DYNC1H1: variants seen among roughly 807,000 people sequenced by gnomAD.
DYNC1H1 encodes dynein cytoplasmic 1 heavy chain 1, also known as cytoplasmic dynein 1 heavy chain 1.
In DYNC1H1, 51 loss-of-function variants were observed where a neutral mutation model predicts 527.1. That is an observed-to-expected ratio of 0.10 (90% CI 0.08 to 0.12). The LOEUF (loss-of-function observed/expected upper bound fraction) is 0.12. DYNC1H1 is among the 10% of genes least tolerant of loss of function. The pLI is 1.00. For synonymous variants in DYNC1H1, 2,189 were observed against 2,278.8 expected (o/e 0.96, Z 1.12); for missense variants, 2,771 against 5,971.8 (o/e 0.46, Z 17.66).
At chr14:101,975,876 C>A in intron 2 of DYNC1H1, 77 bp downstream of exon 2, 2 of 1,153,938 alleles carry the variant, frequency 1.7e-6, no homozygotes, top group Non-Finnish European at 2.5e-6. Context: ...TCTTTTCAAA[C>A]TCAGAAATTC....
chr14:102,047,835 A>G lies in DYNC1H1; in HGVS notation c.13025A>G (p.Lys4342Arg), dbSNP rs771912291. Residue 4342 changes from lysine to arginine, a missense_variant, in exon 73 of 78, where the codon AAA becomes AGA. By Grantham distance (26) the Lys-to-Arg change is conservative (BLOSUM62 2). Around this residue, in one of 32 missense-constraint regions of DYNC1H1, gnomAD observed 170 missense variants for 249.8 expected, o/e 0.68. Coordinates refer to ENST00000360184, the MANE Select transcript of DYNC1H1 (RefSeq NM_001376.5). ...LTTQGVDMISKMLKMQMLEDE... is the reference protein window; with the variant it reads ...LTTQGVDMISRMLKMQMLEDE... ...GGCCCAGGTGTGGACATGATCAGTAAAATGCTGAAGATGCAGATGTTGGAG... is the reference window on the plus strand; with the variant it reads ...GGCCCAGGTGTGGACATGATCAGTAGAATGCTGAAGATGCAGATGTTGGAG... 1.2e-6 allele frequency: 2 copies of G among 1,613,410 alleles called. No individual in the cohort carries two copies. Among genetic ancestry groups the G allele is most frequent in the South Asian group, 2.2e-5 (2 of 91,054 alleles).
chr14:102,009,601 C>T (rs1442557109), intron 29 of DYNC1H1: 1 of 525,554 alleles, frequency 1.9e-6, no homozygotes, highest in African/African-American at 1.9e-5. Context: ...ATAGTGGTCT[C>T]TGCCTCTGGT....
chr14:102,052,897 G>A lies in DYNC1H1; in HGVS notation c.*2334G>A, dbSNP rs2048830282. 1 of 152,204 alleles carries A rather than the reference G, an allele frequency of 6.6e-6. No individual in the cohort carries two copies. Among genetic ancestry groups the A allele is most frequent in the Non-Finnish European group, 1.5e-5 (1 of 68,036 alleles). The allele number at this position is 152,204 out of a possible 1,614,324, so 9.4% of individuals were successfully genotyped here. ...TTCCTCTGGACTCTGACTTCAGTGT[G>A]TAGGAAGCCACCTTACAGCTCATGT... On this transcript the variant is annotated 3_prime_UTR_variant, in exon 78 of 78. Coordinates refer to ENST00000360184, the MANE Select transcript of DYNC1H1 (RefSeq NM_001376.5).
In DYNC1H1 at chr14:102,010,589, T is replaced by C; in HGVS notation, c.6405+130T>C. 1.3e-6 allele frequency: 2 copies of C among 1,502,804 alleles called. No homozygotes were observed. The highest frequency in any genetic ancestry group is 9.1e-7 in the Non-Finnish European group (1 of 1,100,762). The allele number at this position is 1,502,804 out of a possible 1,614,324, so 93.1% of individuals were successfully genotyped here. A position where few individuals can be genotyped will look rare whatever the true frequency, so the allele number is the denominator to read the frequency against. On this transcript the variant is annotated intron_variant, in intron 31 of 77. Transcript: ENST00000360184. This position sits in a 1 kb window ranked among gnomAD's most constrained non-coding sequence, Gnocchi z 6.0. ...TTGGGATGGCTGAAATAGACTGTAA[T>C]GTTGACCCAGTGAGTCGAGTGCACG...
chr14:101,989,328 C>CT (rs759181183), intron 10 of DYNC1H1, among the ~76,000 whole-genome samples: 16 of 152,240 alleles, frequency 1.1e-4, no homozygotes, highest in Non-Finnish European at 1.9e-4. Context: ...ACGTACTCCA[C>CT]TGTTTTAACA....
chr14:102,049,551 C>G lies in DYNC1H1; in HGVS notation c.13484C>G (p.Ala4495Gly). Reference sequence around the variant, plus strand: ...AAACAGCTGCAGAACATCTCACTGGCAGCTGCATCTGGTGGCGCCAAGGAG... The same window carrying G: ...AAACAGCTGCAGAACATCTCACTGGGAGCTGCATCTGGTGGCGCCAAGGAG... ...RIKQLQNISL[A>G]AASGGAKELK... The change falls in exon 75 of 78, where the codon GCA becomes GGA. Residue 4495 changes from alanine to glycine, a missense_variant. Physicochemically the swap from Ala to Gly is moderately conservative, Grantham distance 60. Transcript: ENST00000360184. The surrounding 1 kb of genome is among the most constrained non-coding windows in gnomAD (Gnocchi z 5.5). 1 of 1,614,112 alleles carries G rather than the reference C, an allele frequency of 6.2e-7. No homozygotes were observed.
At chr14:102,034,875 G>A (rs17541442) in intron 56 of DYNC1H1, 64 of 295,854 alleles carry the variant, frequency 2.2e-4, no homozygotes, top group Admixed American at 4.7e-4. Flanking sequence ...GCGGTGAGCC[G>A]AGATCACGCC....
Position 102,039,154 on chromosome 14 carries a change from C to T in DYNC1H1, c.11360C>T (p.Thr3787Met), listed in dbSNP as rs997706398. 2 of 1,614,084 alleles carry T rather than the reference C, an allele frequency of 1.2e-6. No individual in the cohort carries two copies. Among genetic ancestry groups the T allele is most frequent in the Non-Finnish European group, 1.7e-6 (2 of 1,180,040 alleles). Residue 3787 changes from threonine to methionine, a missense_variant, in exon 60 of 78, where the codon ACG becomes ATG. Physicochemically the swap from Thr to Met is moderately conservative, Grantham distance 81. Transcript: ENST00000360184. This position sits in a 1 kb window ranked among gnomAD's most constrained non-coding sequence, Gnocchi z 7.0. ...GAGGTCACCAGGAAAGTTGAGGAGA[C>T]GGACATTGTCATGCAGGAGGTGGAG... ...AAEVTRKVEE[T>M]DIVMQEVETV...
chr14:102,015,325 T>A lies in DYNC1H1; in HGVS notation c.7235T>A (p.Met2412Lys), dbSNP rs1296667481. Residue 2412 changes from methionine (M) to lysine (K), a missense_variant, in exon 35 of 78, where the codon ATG becomes AAG. Physicochemically the swap from Met to Lys is moderately conservative, Grantham distance 95 (BLOSUM62 -1). This residue lies in a region of DYNC1H1 where 122 missense variants were observed against 168.4 expected (regional missense o/e 0.72). Coordinates refer to ENST00000360184, the MANE Select transcript of DYNC1H1 (RefSeq NM_001376.5). The surrounding 1 kb of genome is among the most constrained non-coding windows in gnomAD (Gnocchi z 6.9). ...EDEGEEAASP[M>K]LQIQRDAATI... Reference sequence around the variant, plus strand: ...GAGGGGGAGGAGGCCGCTTCCCCCATGCTGCAGGTACGCCCAGGTGGGACC... The same window carrying A: ...GAGGGGGAGGAGGCCGCTTCCCCCAAGCTGCAGGTACGCCCAGGTGGGACC... The A allele has an allele frequency of 6.2e-7, 1 of 1,612,108 alleles. No individual in the cohort carries two copies.
rs1595599503 is a variant in DYNC1H1, at chr14:101,983,729, G to A, written c.1461+120G>A. On this transcript the variant is annotated intron_variant, in intron 7 of 77. Coordinates refer to ENST00000360184, the MANE Select transcript of DYNC1H1 (RefSeq NM_001376.5). This position sits in a 1 kb window ranked among gnomAD's most constrained non-coding sequence, Gnocchi z 5.3. ...TTTCACTCTTGTTGCCCAGGCTGGA[G>A]TGCAATGGCATGATCTTGGCTCACT... is the stretch of plus-strand genomic sequence containing the variant. 1.1e-5 allele frequency: 13 copies of A among 1,176,342 alleles called. No homozygotes were observed. The East Asian group carries it at 3.1e-4, about 28-fold the overall frequency. The allele number at this position is 1,176,342 out of a possible 1,614,324, so 72.9% of individuals were successfully genotyped here.
chr14:101,987,286 T>C (rs751846457), intron 8 of DYNC1H1, among the ~76,000 whole-genome samples, 167 bp from the exon 9 acceptor site: 1 of 152,200 alleles, frequency 6.6e-6, no homozygotes, highest in Non-Finnish European at 1.5e-5. Context: ...TGCAAGGACA[T>C]GCGAGTGGGG....
chr14:101,970,470 G>GTT (rs1324948272), intron 1 of DYNC1H1, among the ~76,000 whole-genome samples: 1,119 of 96,244 alleles, frequency 0.012, 260 homozygotes, highest in African/African-American at 0.042. Flanking sequence ...TTGGTTTGTT[G>GTT]TTGTTTTTTT....
rs1394424551 is a variant in DYNC1H1 at position 102,039,742 on chromosome 14, C to T, written c.11690+10C>T. The T allele has an allele frequency of 1.2e-6, 2 of 1,614,156 alleles. No homozygotes were observed. Among genetic ancestry groups the T allele is most frequent in the Non-Finnish European group, 1.7e-6 (2 of 1,180,036 alleles). On this transcript the variant is annotated intron_variant, in intron 62 of 77. Coordinates refer to ENST00000360184, the MANE Select transcript of DYNC1H1 (RefSeq NM_001376.5). This position sits in a 1 kb window ranked among gnomAD's most constrained non-coding sequence, Gnocchi z 7.0. ...TGAAGGGCACCGTGGGGTAAGAGCA[C>T]TCACGCCCACAGGAGGATGCCATAT...
At chr14:102,006,226 T>C (rs1222775512) in intron 27 of DYNC1H1, 56 bp downstream of exon 27, 2 of 1,601,442 alleles carry the variant, frequency 1.2e-6, no homozygotes, top group Non-Finnish European at 1.7e-6. Flanking sequence ...TGTTTAAAGA[T>C]AAAGCTAATG....
rs765542840 is a variant in DYNC1H1, at chr14:102,041,651, A to G, written c.12019A>G (p.Met4007Val). 5 of 1,614,030 alleles carry G rather than the reference A, an allele frequency of 3.1e-6. No homozygotes were observed. The highest frequency in any genetic ancestry group is 1.3e-5 in the African/African-American group (1 of 74,912). Residue 4007 changes from methionine (M) to valine (V), a missense_variant, in exon 65 of 78, where the codon ATG becomes GTG. By Grantham distance (21) the Met-to-Val change is conservative. Transcript: ENST00000360184. The surrounding 1 kb of genome is among the most constrained non-coding windows in gnomAD (Gnocchi z 4.5). ...RPDRLLAMAH[M>V]FVSTNLGESF... ...CGATCGCCTGTTGGCCATGGCCCAC[A>G]TGTTTGTTTCAACAAACCTTGGGGA...
chr14:102,012,153 T>G lies in DYNC1H1; in HGVS notation c.6857+40T>G. ...ATCTGTGTTTGTGTTCTCCTGGATA[T>G]GGGCGCTAAGTACTTTGCTCTCACA... On this transcript the variant is annotated intron_variant, in intron 33 of 77. Coordinates refer to ENST00000360184, the MANE Select transcript of DYNC1H1 (RefSeq NM_001376.5). This position sits in a 1 kb window ranked among gnomAD's most constrained non-coding sequence, Gnocchi z 4.9. 1 of 1,613,270 alleles carries G rather than the reference T, an allele frequency of 6.2e-7. No homozygotes were observed. The highest frequency in any genetic ancestry group is 8.5e-7 in the Non-Finnish European group (1 of 1,179,258).
At position 102,016,442 on chromosome 14, in the gene DYNC1H1, A is replaced by G; in HGVS notation, c.7567A>G (p.Thr2523Ala). 1 of 1,614,062 alleles carries G rather than the reference A, an allele frequency of 6.2e-7. No individual in the cohort carries two copies. The highest frequency in any genetic ancestry group is 8.5e-7 in the Non-Finnish European group (1 of 1,180,010). ...GGGTGAATACATCAGAAGAATCACG[A>G]CCGTGCCTCTGCCCACTGCGCCCAA... is the stretch of plus-strand genomic sequence containing the variant. ...ELGEYIRRIT[T>A]VPLPTAPNIP... The change falls in exon 37 of 78, where the codon ACC becomes GCC. Residue 2523 changes from threonine to alanine, a missense_variant. This residue lies in a region of DYNC1H1 where 71 missense variants were observed against 143.6 expected (regional missense o/e 0.49). Transcript: ENST00000360184. The surrounding 1 kb of genome is among the most constrained non-coding windows in gnomAD (Gnocchi z 7.3).
chr14:102,012,239 A>G lies in DYNC1H1; in HGVS notation c.6858-75A>G. Reference sequence around the variant, plus strand: ...GAGCAAATTAAAGGTCATTTCAGAAACCATCATCGGTAAACATGCCTAATG... The same window carrying G: ...GAGCAAATTAAAGGTCATTTCAGAAGCCATCATCGGTAAACATGCCTAATG... On this transcript the variant is annotated intron_variant, in intron 33 of 77. Transcript: ENST00000360184. The surrounding 1 kb of genome is among the most constrained non-coding windows in gnomAD (Gnocchi z 4.9). 1 of 1,613,240 alleles carries G rather than the reference A, an allele frequency of 6.2e-7. No individual in the cohort carries two copies.
chr14:101,975,579 A>G, intron 1 of DYNC1H1, 133 bp from the exon 2 acceptor site: 1 of 817,064 alleles, frequency 1.2e-6, no homozygotes, highest in East Asian at 2.7e-5. Flanking sequence ...AGGAAGGGAA[A>G]AATAGTGCCA....
Sources: allele counts gnomAD v4.1 joint callset (sites outside exome capture counted in the v4.1 genomes callset), GRCh38; gene constraint gnomAD v4.1.1; regional missense constraint gnomAD v4.1.1; non-coding constraint Gnocchi (gnomAD v3.1); transcripts MANE v1.5; gene names NCBI Gene and HGNC (gene_info 2026-07-23, HGNC 2026-07-21).